The following HSPA4L variants were observed in gnomAD, a reference collection of about 807,000 sequenced individuals.
The protein encoded by HSPA4L is heat shock 70 kDa protein 4L.
Under a neutral mutation model 100.3 loss-of-function variants are expected in HSPA4L, and 48 were observed. That is an observed-to-expected ratio of 0.48 (90% CI 0.38 to 0.61). HSPA4L has a LOEUF of 0.61. Among genes scored for constraint, HSPA4L ranks in the 20% least tolerant of loss-of-function variants. The pLI is 0.00. For missense variants in HSPA4L, 886 were observed against 988.6 expected (o/e 0.90, Z 1.39); for synonymous variants, 319 against 328.2 (o/e 0.97, Z 0.30).
At position 127,840,389 on chromosome 4, in the gene HSPA4L, C is replaced by T. The variant is rs1384143479; in HGVS notation, c.*7515C>T. The T allele has an allele frequency of 6.6e-6, 1 of 152,116 alleles. No individual in the cohort carries two copies. The highest frequency in any genetic ancestry group is 2.4e-5 in the African/African-American group (1 of 41,432). 9.4% of individuals were successfully genotyped at this position (152,116 alleles called of 1,614,324 possible). A position where few individuals can be genotyped will look rare whatever the true frequency, so the allele number is the denominator to read the frequency against. On this transcript the variant is annotated 3_prime_UTR_variant, in exon 19 of 19. Coordinates refer to ENST00000296464, the MANE Select transcript of HSPA4L (RefSeq NM_014278.4). ...GTTTGTTTTCAATACAAACAGCAAC[C>T]ACTGAAATGCAGAAAATGGTAATCA... is the stretch of plus-strand genomic sequence containing the variant.
chr4:127,818,224 T>C (rs2148795086), intron 12 of HSPA4L, 101 bp from the exon 13 acceptor site: 2 of 677,478 alleles, frequency 3.0e-6, no homozygotes, highest in Non-Finnish European at 5.0e-6. Context: ...GTTTCTACAT[T>C]TTACATTTCA....
chr4:127,783,630 A>G (rs1732631503), intron 1 of HSPA4L: 1 of 1,535,212 alleles, frequency 6.5e-7, no homozygotes, highest in Non-Finnish European at 8.7e-7. Flanking sequence ...GTTACTGGTA[A>G]TTTTATGAGG....
chr4:127,791,181 A>G lies in HSPA4L; in HGVS notation c.108-2896A>G, dbSNP rs567400984. 1.8e-4 allele frequency among the ~76,000 whole-genome samples: 27 copies of G among 152,308 alleles called. No homozygotes were observed. In the South Asian group the frequency reaches 1.9e-3, roughly 11 times the overall value. Reference sequence around the variant, plus strand: ...TTTAATATATTTTATTTAATTCAGTATATCCAAAATTTTATCTCAATATGT... The same window carrying G: ...TTTAATATATTTTATTTAATTCAGTGTATCCAAAATTTTATCTCAATATGT... On this transcript the variant is annotated intron_variant, in intron 1 of 18. Transcript: ENST00000296464.
At chr4:127,790,767 CT>C (rs769599562) in intron 1 of HSPA4L, among the ~76,000 whole-genome samples, 3 of 152,178 alleles carry the variant, frequency 2.0e-5, no homozygotes, top group Non-Finnish European at 4.4e-5. Context: ...TGTCACTTGC[CT>C]CTTCTTACTA....
chr4:127,794,705 A>G (rs1732972003), intron 2 of HSPA4L, among the ~76,000 whole-genome samples: 1 of 152,068 alleles, frequency 6.6e-6, no homozygotes, highest in Admixed American at 6.5e-5. Context: ...TGCATTTTAT[A>G]TATATCTGGG....
At chr4:127,817,012 A>G (rs1733686267) in intron 12 of HSPA4L, among the ~76,000 whole-genome samples, 1 of 152,170 alleles carries the variant, frequency 6.6e-6, no homozygotes, top group Non-Finnish European at 1.5e-5. Context: ...TTACCTATCA[A>G]CAGGGTTGGG....
At position 127,812,065 on chromosome 4, in the gene HSPA4L, C is replaced by A. The variant is rs1228451570; in HGVS notation, c.1578+429C>A. Among the ~76,000 whole-genome samples, 3 of 152,010 alleles carry A rather than the reference C, an allele frequency of 2.0e-5. No individual in the cohort carries two copies. The East Asian group carries it at 5.8e-4, about 29-fold the overall frequency. Reference sequence around the variant, plus strand: ...AATTTTTCAGGGTTTATTTGGGGGACATCTGAGACAGTTAAGCAGAGGAAT... The same window carrying A: ...AATTTTTCAGGGTTTATTTGGGGGAAATCTGAGACAGTTAAGCAGAGGAAT... On this transcript the variant is annotated intron_variant, in intron 12 of 18. Coordinates refer to ENST00000296464, the MANE Select transcript of HSPA4L (RefSeq NM_014278.4).
At chr4:127,828,555 C>T (rs568552206) in intron 17 of HSPA4L, among the ~76,000 whole-genome samples, 162 of 152,170 alleles carry the variant, frequency 1.1e-3, no homozygotes, top group Non-Finnish European at 1.6e-3. Flanking sequence ...TTCCCAGCAA[C>T]TATACTGCTT....
chr4:127,792,608 A>T (rs574868207), intron 1 of HSPA4L, among the ~76,000 whole-genome samples: 1 of 152,184 alleles, frequency 6.6e-6, no homozygotes, highest in Non-Finnish European at 1.5e-5. Context: ...TGTGGCTACC[A>T]TATTAGATAG....
At chr4:127,808,967 A>C (rs1733444233) in intron 11 of HSPA4L, among the ~76,000 whole-genome samples, 1 of 132,914 alleles carries the variant, frequency 7.5e-6, no homozygotes, top group Non-Finnish European at 1.6e-5. Flanking sequence ...TTTGTGTGAT[A>C]ATTATTTTTT....
At chr4:127,825,540 A>G (rs1243799590) in intron 16 of HSPA4L, among the ~76,000 whole-genome samples, 1 of 152,232 alleles carries the variant, frequency 6.6e-6, no homozygotes, top group African/African-American at 2.4e-5. Context: ...AATACTTCCA[A>G]AGGAAATAAT....
Position 127,805,666 on chromosome 4 carries a change from T to C in HSPA4L, c.1138-21T>C, listed in dbSNP as rs202039142. On this transcript the variant is annotated intron_variant, in intron 9 of 18. Coordinates refer to ENST00000296464, the MANE Select transcript of HSPA4L (RefSeq NM_014278.4). ...TGTTTTGTATTTGTTGATTTAAATA[T>C]GGTATACATCTTATTTTCAGTGTGC... 10 of 1,538,064 alleles carry C rather than the reference T, an allele frequency of 6.5e-6. No individual in the cohort carries two copies. In the Admixed American group the frequency reaches 1.5e-4, roughly 23 times the overall value.
At chr4:127,790,244 G>C (rs1732835642) in intron 1 of HSPA4L, among the ~76,000 whole-genome samples, 1 of 152,224 alleles carries the variant, frequency 6.6e-6, no homozygotes, top group Admixed American at 6.5e-5. Context: ...AAGATTTTCA[G>C]TGTAGTCAAG....
chr4:127,806,467 A>C (rs1733360012), intron 10 of HSPA4L, among the ~76,000 whole-genome samples: 1 of 152,034 alleles, frequency 6.6e-6, no homozygotes, highest in Admixed American at 6.5e-5. Context: ...CAAATTATTC[A>C]CTAAAAGGAT....
Position 127,795,572 on chromosome 4 carries a change from A to T in HSPA4L, c.166-196A>T, listed in dbSNP as rs371995665. Among the ~76,000 whole-genome samples the T allele has an allele frequency of 2.2e-4, 34 of 152,252 alleles. 1 individual carries two copies. The East Asian group carries it at 3.5e-3, about 16-fold the overall frequency. On this transcript the variant is annotated intron_variant, in intron 2 of 18. Transcript: ENST00000296464. ...TCCCAGGATAGGTGGATAATTTGGG[A>T]GGCAAGTGTTAAAATGTGTACATTC...
intron 16 of HSPA4L, among the ~76,000 whole-genome samples, chr4:127,824,883 T>C (rs1214669155): frequency 6.6e-6 from 1 of 152,180 alleles, no homozygotes; most frequent in Non-Finnish European, 1.5e-5. Flanking sequence ...ACGCCTCTAA[T>C]CCCGGCACTT....
chr4:127,830,130 A>G (rs928819860), intron 17 of HSPA4L, among the ~76,000 whole-genome samples: 3 of 151,978 alleles, frequency 2.0e-5, no homozygotes, highest in Non-Finnish European at 4.4e-5. Context: ...CTCTTTCTAT[A>G]TGTTCATTGC....
chr4:127,838,719 C>T lies in HSPA4L; in HGVS notation c.*5845C>T, dbSNP rs951911710. On this transcript the variant is annotated 3_prime_UTR_variant, in exon 19 of 19. Coordinates refer to ENST00000296464, the MANE Select transcript of HSPA4L (RefSeq NM_014278.4). ...TTGTCTTTCCTTTATCTTGCTTTATCCTCTTATCCAATTCTAGACTCTTAA... is the reference window on the plus strand; with the variant it reads ...TTGTCTTTCCTTTATCTTGCTTTATTCTCTTATCCAATTCTAGACTCTTAA... The T allele has an allele frequency of 6.6e-6, 1 of 152,082 alleles. No individual in the cohort carries two copies. The highest frequency in any genetic ancestry group is 1.5e-5 in the Non-Finnish European group (1 of 68,004). The allele number at this position is 152,082 out of a possible 1,614,324, so 9.4% of individuals were successfully genotyped here.
In HSPA4L at chr4:127,827,409, A is replaced by C. The variant is rs1199116718; in HGVS notation, c.2151A>C (p.Glu717Asp). Residue 717 changes from glutamate to aspartate, a missense_variant, in exon 17 of 19, where the codon GAA becomes GAC. Glu to Asp is a conservative substitution (Grantham distance 45). Transcript: ENST00000296464. The part of the protein sequence containing the change: ...KKIQLVMKVI[E>D]AYRNKDERYD... ...TCCAACTTGTCATGAAAGTGATAGA[A>C]GCTTATAGAAACAAGGTATTGAATT... is the stretch of plus-strand genomic sequence containing the variant. The C allele has an allele frequency of 1.9e-6, 3 of 1,613,652 alleles. No individual in the cohort carries two copies. The highest frequency in any genetic ancestry group is 2.5e-6 in the Non-Finnish European group (3 of 1,179,732).
Sources: gnomAD v4.1 joint callset for allele counts (sites outside exome capture counted in the v4.1 genomes callset) on GRCh38, gnomAD v4.1.1 for gene constraint, MANE v1.5 for transcripts, NCBI Gene and HGNC (gene_info 2026-07-23, HGNC 2026-07-21) for gene names.